Variants in SCAPER observed in about 807,000 individuals in gnomAD.
SCAPER encodes S phase cyclin A-associated protein in the endoplasmic reticulum.
SCAPER carries 98 observed loss-of-function variants against 182.2 expected under a neutral mutation model. That is an observed-to-expected ratio of 0.54 (90% CI 0.46 to 0.64). SCAPER has a LOEUF of 0.64. Among genes scored for constraint, SCAPER ranks in the 30% least tolerant of loss-of-function variants. SCAPER has a pLI of 0.00. For synonymous variants in SCAPER, 605 were observed against 564.6 expected, an observed-to-expected ratio of 1.07 and a Z score of -1.01; for missense variants, 1,432 against 1,690.0, an observed-to-expected ratio of 0.85 and a Z score of 2.68.
At chr15:76,827,372 G>C (rs1291077563) in intron 5 of SCAPER, among the ~76,000 whole-genome samples, 1 of 152,140 alleles carries the variant, frequency 6.6e-6, no homozygotes, top group Non-Finnish European at 1.5e-5. Context: ...GCTTTCTCAA[G>C]CTCTTCTGTA....
intron 4 of SCAPER, among the ~76,000 whole-genome samples, chr15:76,847,377 C>G (rs74648335): frequency 6.7e-6 from 1 of 149,726 alleles, no homozygotes; most frequent in Admixed American, 6.6e-5. Flanking sequence ...ATAAAAAATA[C>G]AAAAAAAAAT....
intron 15 of SCAPER, among the ~76,000 whole-genome samples, chr15:76,750,492 A>G (rs892102409): frequency 2.0e-5 from 3 of 151,860 alleles, no homozygotes; most frequent in African/African-American, 7.2e-5. Flanking sequence ...AAAACTATAG[A>G]CCAATATCCT....
intron 4 of SCAPER, 75 bp downstream of exon 4, chr15:76,857,734 A>G: frequency 1.0e-6 from 1 of 975,536 alleles, no homozygotes; most frequent in Non-Finnish European, 1.5e-6. Context: ...CTGCAAAATA[A>G]GATTTTCATA....
chr15:76,348,786 C>A, intron 31 of SCAPER, 50 bp from the exon 32 acceptor site: 1 of 1,086,808 alleles, frequency 9.2e-7, no homozygotes, highest in Non-Finnish European at 1.3e-6. Flanking sequence ...GGGTTAAATT[C>A]TTTGAAGATT....
At chr15:76,860,284 C>T (rs866663037) in intron 3 of SCAPER, among the ~76,000 whole-genome samples, 1 of 151,842 alleles carries the variant, frequency 6.6e-6, no homozygotes, top group African/African-American at 2.4e-5. Flanking sequence ...TGTAATAAAT[C>T]ATGTTGATAT....
intron 20 of SCAPER, among the ~76,000 whole-genome samples, chr15:76,700,256 G>A (rs2147244074): frequency 6.6e-6 from 1 of 152,296 alleles, no homozygotes. Flanking sequence ...GAGACTTGAG[G>A]GTTGAGCATC....
intron 10 of SCAPER, 30 bp from the exon 11 acceptor site, chr15:76,767,118 G>A: frequency 6.6e-7 from 1 of 1,522,466 alleles, no homozygotes; most frequent in Non-Finnish European, 8.8e-7. Flanking sequence ...TAAACAAAAA[G>A]AAAAATGATC....
At chr15:76,798,532 A>G (rs1349064463) in intron 7 of SCAPER, among the ~76,000 whole-genome samples, 1 of 152,130 alleles carries the variant, frequency 6.6e-6, no homozygotes, top group Admixed American at 6.5e-5. Flanking sequence ...CCCAAATTTG[A>G]TTAAAAACAT....
chr15:76,793,350 T>G, intron 8 of SCAPER: 1 of 698,790 alleles, frequency 1.4e-6, no homozygotes, highest in Non-Finnish European at 2.6e-6. Flanking sequence ...AGTTGACAAG[T>G]GGCTGGCAGC....
At chr15:76,687,677 G>T (rs1281620003) in intron 20 of SCAPER, among the ~76,000 whole-genome samples, 1 of 152,178 alleles carries the variant, frequency 6.6e-6, no homozygotes, top group African/African-American at 2.4e-5. Context: ...ACTTATGAGT[G>T]AGAACATGCG....
intron 21 of SCAPER, among the ~76,000 whole-genome samples, chr15:76,636,043 T>C (rs2053569849): frequency 6.6e-6 from 1 of 152,230 alleles, no homozygotes; most frequent in Non-Finnish European, 1.5e-5. Context: ...TATGTGGCAT[T>C]AGTAGCAGTG....
chr15:76,477,114 T>A (rs946714297), intron 24 of SCAPER, among the ~76,000 whole-genome samples: 2 of 152,180 alleles, frequency 1.3e-5, no homozygotes, highest in Non-Finnish European at 2.9e-5. Flanking sequence ...ACTGGTCTGC[T>A]GAAAAAAAAC....
intron 29 of SCAPER, among the ~76,000 whole-genome samples, chr15:76,375,956 G>C (rs1019774262): frequency 6.6e-6 from 1 of 152,216 alleles, no homozygotes; most frequent in African/African-American, 2.4e-5. Context: ...CTGCATTCCA[G>C]CCTGGGTGAT....
At chr15:76,875,390 C>T (rs568179574) in intron 2 of SCAPER, among the ~76,000 whole-genome samples, 1 of 152,270 alleles carries the variant, frequency 6.6e-6, no homozygotes, top group South Asian at 2.1e-4. Context: ...CCTGTAATCC[C>T]AGAAAAACTT....
chr15:76,402,835 G>A (rs2142125317), intron 27 of SCAPER, among the ~76,000 whole-genome samples: 1 of 152,006 alleles, frequency 6.6e-6, no homozygotes, highest in South Asian at 2.1e-4. Flanking sequence ...GAAATCTCAG[G>A]ACCTCATTCA....
chr15:76,415,420 T>C (rs1230826743), intron 26 of SCAPER, among the ~76,000 whole-genome samples: 3 of 152,130 alleles, frequency 2.0e-5, no homozygotes, highest in Non-Finnish European at 2.9e-5. Flanking sequence ...TATAAAGACA[T>C]TTTACTACCT....
intron 5 of SCAPER, 48 bp downstream of exon 5, chr15:76,841,686 C>T (rs2069498484): frequency 6.4e-7 from 1 of 1,573,510 alleles, no homozygotes; most frequent in Admixed American, 1.8e-5. Flanking sequence ...AGCAAAAATT[C>T]AAGAATCTGA....
intron 24 of SCAPER, among the ~76,000 whole-genome samples, chr15:76,477,992 A>G (rs1446550479): frequency 6.6e-6 from 1 of 151,654 alleles, no homozygotes; most frequent in Non-Finnish European, 1.5e-5. Flanking sequence ...TATTTGATAC[A>G]ATCTGCCAAA....
At chr15:76,693,144 A>C (rs918004747) in intron 20 of SCAPER, among the ~76,000 whole-genome samples, 2 of 152,184 alleles carry the variant, frequency 1.3e-5, no homozygotes, top group African/African-American at 4.8e-5. Flanking sequence ...AAATATCTAG[A>C]ATACCCCAAA....
Sources: gnomAD v4.1 joint callset for allele counts (sites outside exome capture counted in the v4.1 genomes callset) on GRCh38, gnomAD v4.1.1 for gene constraint, MANE v1.5 for transcripts, NCBI Gene and HGNC (gene_info 2026-07-23, HGNC 2026-07-21) for gene names.